RANBP2: variants seen among roughly 807,000 people sequenced by gnomAD.
The protein encoded by RANBP2 is E3 SUMO-protein ligase RanBP2.
A neutral mutation model predicts 303.6 loss-of-function variants in RANBP2; 57 were observed. The ratio of observed to expected loss-of-function variants is 0.19; its 90% confidence interval spans 0.15 to 0.23. The LOEUF is 0.23. Ranked by LOEUF, RANBP2 falls within the 10% of genes least tolerant of loss-of-function variation. The probability of loss-of-function intolerance (pLI) is 1.00; values close to 1 mark genes in which losing one functional copy is unlikely to be tolerated. For missense variants in RANBP2, 3,138 were observed against 3,780.8 expected (o/e 0.83, Z 4.46); for synonymous variants, 1,167 against 1,301.5 (o/e 0.90, Z 2.23).
chr2:108,829,806 T>C, the RANBP2 span, among the ~76,000 whole-genome samples: 1 of 152,136 alleles, frequency 6.6e-6, no homozygotes, highest in Non-Finnish European at 1.5e-5. Flanking sequence ...TGTCAGAAAG[T>C]GGAATCCTTG....
chr2:109,501,340 T>G, the RANBP2 span, among the ~76,000 whole-genome samples: 1 of 152,096 alleles, frequency 6.6e-6, no homozygotes, highest in Admixed American at 6.5e-5. Flanking sequence ...AATGAAAAAT[T>G]TCCAGAGTTT....
At chr2:108,822,909 C>T in the RANBP2 span, among the ~76,000 whole-genome samples, 1 of 151,868 alleles carries the variant, frequency 6.6e-6, no homozygotes, top group African/African-American at 2.4e-5. Context: ...AAACCGCTAG[C>T]TAGATGAAGG....
chr2:108,832,993 T>G, the RANBP2 span, among the ~76,000 whole-genome samples: 1 of 152,208 alleles, frequency 6.6e-6, no homozygotes, highest in South Asian at 2.1e-4. Flanking sequence ...TAAATGCACA[T>G]TGCTCAGTGA....
At chr2:109,106,273 G>A in the RANBP2 span, among the ~76,000 whole-genome samples, 1 of 152,072 alleles carries the variant, frequency 6.6e-6, no homozygotes, top group Non-Finnish European at 1.5e-5. Flanking sequence ...GGCAAGAATC[G>A]AGTTGCTGCA....
At chr2:109,058,950 A>G in the RANBP2 span, among the ~76,000 whole-genome samples, 1 of 152,300 alleles carries the variant, frequency 6.6e-6, no homozygotes, top group African/African-American at 2.4e-5. Context: ...GAAGCCACTC[A>G]CACAAGTGAA....
At chr2:109,493,052 TCATA>T in the RANBP2 span, among the ~76,000 whole-genome samples, 1 of 150,236 alleles carries the variant, frequency 6.7e-6, no homozygotes, top group Non-Finnish European at 1.5e-5. Context: ...CCCACATACA[TCATA>T]CAAACACACA....
chr2:109,417,984 G>C, the RANBP2 span, among the ~76,000 whole-genome samples: 1 of 152,128 alleles, frequency 6.6e-6, no homozygotes, highest in African/African-American at 2.4e-5. Flanking sequence ...CACCTACCTG[G>C]GGCAACTTCC....
chr2:109,764,222 C>T, the RANBP2 span, among the ~76,000 whole-genome samples: 8 of 149,598 alleles, frequency 5.3e-5, no homozygotes, highest in African/African-American at 1.7e-4. Context: ...ATTCAGCACC[C>T]GACACTGTAG....
the RANBP2 span, among the ~76,000 whole-genome samples, chr2:108,881,393 G>A: frequency 6.6e-6 from 1 of 152,204 alleles, no homozygotes; most frequent in South Asian, 2.1e-4. Context: ...AAGGAATATT[G>A]TGGCCGATTT....
At chr2:108,854,028 A>ATTATATATATT in the RANBP2 span, among the ~76,000 whole-genome samples, 2 of 109,090 alleles carry the variant, frequency 1.8e-5, no homozygotes, top group African/African-American at 7.4e-5. Flanking sequence ...ATAAATTTAT[A>ATTATATATATT]TTATATATAA....
the RANBP2 span, among the ~76,000 whole-genome samples, chr2:109,203,758 A>G: frequency 6.6e-6 from 1 of 152,116 alleles, no homozygotes; most frequent in Admixed American, 6.5e-5. Flanking sequence ...CAGAACCCAC[A>G]TACCTTTCAC....
At chr2:109,725,928 T>A in the RANBP2 span, among the ~76,000 whole-genome samples, 7 of 152,000 alleles carry the variant, frequency 4.6e-5, no homozygotes, top group African/African-American at 1.7e-4. Context: ...AGAGAGAGTT[T>A]CACCACATTG....
At chr2:109,545,215 T>C in the RANBP2 span, 3 of 985,254 alleles carry the variant, frequency 3.0e-6, no homozygotes, top group African/African-American at 3.5e-5. Flanking sequence ...CAAATGAGCA[T>C]TCTGAATAGA....
At chr2:109,390,142 T>A in the RANBP2 span, among the ~76,000 whole-genome samples, 1 of 152,166 alleles carries the variant, frequency 6.6e-6, no homozygotes, top group African/African-American at 2.4e-5. Context: ...CTGCCAAGGG[T>A]CTGAGGTCTC....
chr2:109,589,721 A>G, the RANBP2 span, among the ~76,000 whole-genome samples: 2 of 149,924 alleles, frequency 1.3e-5, no homozygotes, highest in South Asian at 4.2e-4. Context: ...AGTTAAACAC[A>G]TATTATTATA....
At chr2:108,790,887 G>A in the RANBP2 span, among the ~76,000 whole-genome samples, 1 of 151,962 alleles carries the variant, frequency 6.6e-6, no homozygotes, top group East Asian at 1.9e-4. Flanking sequence ...GAGTAGCTGG[G>A]ACTACAGACG....
chr2:109,079,836 G>A, the RANBP2 span, among the ~76,000 whole-genome samples: 69 of 152,306 alleles, frequency 4.5e-4, no homozygotes, highest in African/African-American at 1.6e-3. Context: ...CAGACAGGTG[G>A]GAACTCCAGG....
chr2:109,666,725 G>T, the RANBP2 span, among the ~76,000 whole-genome samples: 1 of 152,128 alleles, frequency 6.6e-6, no homozygotes, highest in African/African-American at 2.4e-5. Context: ...ATCCAGAGAG[G>T]TTGACAGTCA....
At chr2:109,374,627 G>A in the RANBP2 span, among the ~76,000 whole-genome samples, 3 of 152,212 alleles carry the variant, frequency 2.0e-5, no homozygotes, top group African/African-American at 7.2e-5. Context: ...TCCCGGTGAT[G>A]CTTGTCCCCT....
Sources: gnomAD v4.1 joint callset for allele counts (sites outside exome capture counted in the v4.1 genomes callset) on GRCh38, gnomAD v4.1.1 for gene constraint, MANE v1.5 for transcripts, NCBI Gene and HGNC (gene_info 2026-07-23, HGNC 2026-07-21) for gene names.